The following PCDHA3 variants were observed in gnomAD, a reference collection of about 807,000 sequenced individuals.
The protein encoded by PCDHA3 is protocadherin alpha-3.
Under a neutral mutation model 62.2 loss-of-function variants are expected in PCDHA3, and 41 were observed. The ratio of observed to expected loss-of-function variants is 0.66; its 90% confidence interval spans 0.51 to 0.86. PCDHA3 has a LOEUF of 0.86. Among genes scored for constraint, PCDHA3 ranks in the 40% least tolerant of loss-of-function variants. The pLI, the probability that PCDHA3 is intolerant of heterozygous loss-of-function variation, is 0.00. For synonymous variants in PCDHA3, 640 were observed against 555.4 expected (o/e 1.15, Z -2.14); for missense variants, 1,304 against 1,241.2 (o/e 1.05, Z -0.76).
At chr5:140,843,435 G>A (rs2150359827) in intron 1 of PCDHA3, 3 of 1,596,130 alleles carry the variant, frequency 1.9e-6, no homozygotes, top group Non-Finnish European at 2.6e-6. Flanking sequence ...ATCGCCATCT[G>A]CGCGGTATCC....
intron 1 of PCDHA3, chr5:140,871,357 C>A: frequency 6.2e-7 from 1 of 1,614,196 alleles, no homozygotes; most frequent in Non-Finnish European, 8.5e-7. Flanking sequence ...ATACTCGCAG[C>A]AGAGGCGGCA....
chr5:140,968,068 C>T (rs1554230278), intron 1 of PCDHA3: 1 of 1,614,024 alleles, frequency 6.2e-7, no homozygotes, highest in East Asian at 2.2e-5. Context: ...GGGTGGCTGT[C>T]TACAACATCA....
At position 140,842,145 on chromosome 5, in the gene PCDHA3, G is replaced by A. The variant is rs2150330392; in HGVS notation, c.2394+38554G>A. On this transcript the variant is annotated intron_variant, in intron 1 of 3. Coordinates refer to ENST00000522353, the MANE Select transcript of PCDHA3 (RefSeq NM_018906.3). ...TCTGATCCGGATGAAGGAGCCAATGGGGCAATTTCATATTCTTTTAATAGC... is the reference window on the plus strand; with the variant it reads ...TCTGATCCGGATGAAGGAGCCAATGAGGCAATTTCATATTCTTTTAATAGC... The A allele has an allele frequency of 3.8e-5, 62 of 1,613,828 alleles. 1 individual carries two copies. The East Asian group carries it at 1.3e-3, about 35-fold the overall frequency.
chr5:140,929,410 CACA>C (rs2153600762), intron 1 of PCDHA3: 2 of 1,505,808 alleles, frequency 1.3e-6, no homozygotes, highest in East Asian at 2.3e-5. Context: ...ACAAGCCTTT[CACA>C]ACATTTCATC....
chr5:140,970,847 C>A (rs2096437224), intron 1 of PCDHA3, among the ~76,000 whole-genome samples: 1 of 149,802 alleles, frequency 6.7e-6, no homozygotes, highest in Non-Finnish European at 1.5e-5. Context: ...TGCACAGGCA[C>A]AAAAGTTCCA....
intron 1 of PCDHA3, chr5:140,877,884 C>T: frequency 6.8e-7 from 1 of 1,465,050 alleles, no homozygotes; most frequent in Non-Finnish European, 9.0e-7. Context: ...CCTTGAAGAA[C>T]TTCCGTTTAG....
chr5:140,805,687 A>G (rs1030164), intron 1 of PCDHA3: 393,383 of 736,282 alleles, frequency 0.53, 105,640 homozygotes, highest in African/African-American at 0.7. Context: ...TTCAAAGATC[A>G]TGATTACCAA....
chr5:140,823,749 G>GACAGCC (rs2150128847), intron 1 of PCDHA3: 2 of 1,613,866 alleles, frequency 1.2e-6, no homozygotes, highest in East Asian at 2.2e-5. Flanking sequence ...AGCCCCCGCT[G>GACAGCC]ACAGCCACAG....
intron 1 of PCDHA3, among the ~76,000 whole-genome samples, chr5:140,846,373 C>CTTTTTTTTT (rs374699051): frequency 1.6e-4 from 9 of 55,150 alleles, no homozygotes; most frequent in Non-Finnish European, 2.9e-4. Context: ...TTCTTTCTTT[C>CTTTTTTTTT]TTTTTTTTTT....
chr5:140,835,696 C>T (rs2150242204), intron 1 of PCDHA3: 2 of 1,613,914 alleles, frequency 1.2e-6, no homozygotes, highest in South Asian at 2.2e-5. Context: ...CTGTGGGCCA[C>T]TGCTAGCGTG....
intron 1 of PCDHA3, chr5:140,968,772 C>T (rs782257554): frequency 1.2e-6 from 2 of 1,614,180 alleles, no homozygotes; most frequent in South Asian, 1.1e-5. Context: ...GGAGAGCCAT[C>T]ACTATCAGCC....
At chr5:140,891,937 C>G (rs1168665111) in intron 1 of PCDHA3, among the ~76,000 whole-genome samples, 3 of 152,166 alleles carry the variant, frequency 2.0e-5, no homozygotes, top group Admixed American at 2.0e-4. Context: ...CTTGGACTTC[C>G]CCTAGGCTCC....
At chr5:140,830,537 G>C (rs886492362) in intron 1 of PCDHA3, 1 of 1,226,260 alleles carries the variant, frequency 8.2e-7, no homozygotes, top group African/African-American at 1.6e-5. Flanking sequence ...ATTTATAATT[G>C]TTTTCCTCAT....
intron 1 of PCDHA3, among the ~76,000 whole-genome samples, chr5:140,902,203 C>CTT (rs148688132): frequency 1.7e-4 from 21 of 124,438 alleles, no homozygotes; most frequent in East Asian, 4.4e-4. Context: ...CTCTCTCTTT[C>CTT]TTTTTTTTTT....
intron 1 of PCDHA3, among the ~76,000 whole-genome samples, chr5:140,922,137 T>A (rs1235551628): frequency 2.0e-5 from 3 of 151,994 alleles, no homozygotes; most frequent in African/African-American, 7.3e-5. Context: ...TCTCTTATCC[T>A]CCATGAAACT....
chr5:140,925,172 C>T (rs1176049315), intron 1 of PCDHA3, among the ~76,000 whole-genome samples: 2 of 151,994 alleles, frequency 1.3e-5, no homozygotes, highest in Admixed American at 6.6e-5. Context: ...TGTAATTGAC[C>T]CCAATGTACC....
rs1274541359 is a variant in PCDHA3 at position 140,852,032 on chromosome 5, G to C, written c.2394+48441G>C. 7.5e-6 allele frequency: 7 copies of C among 936,644 alleles called. No homozygotes were observed. The African/African-American group carries it at 1.1e-4, about 14-fold the overall frequency. 58.0% of individuals were successfully genotyped at this position (936,644 alleles called of 1,614,324 possible). On this transcript the variant is annotated intron_variant, in intron 1 of 3. Transcript: ENST00000522353. ...TATAGTTTTAAAAACTTCGCTTATT[G>C]AGTTTTTGTTATGTGGTTTATATTT... is the stretch of plus-strand genomic sequence containing the variant.
In PCDHA3 at chr5:140,869,957, A is replaced by G. The variant is rs782483772; in HGVS notation, c.2394+66366A>G. The stretch of plus-strand genomic sequence containing the variant: ...GTAACATACTCCTTAATGTCAATTA[A>G]GCCCAATGGAAGACACTTATTTACA... On this transcript the variant is annotated intron_variant, in intron 1 of 3. Transcript: ENST00000522353. 4 of 1,613,040 alleles carry G rather than the reference A, an allele frequency of 2.5e-6. No homozygotes were observed. The South Asian group carries it at 4.4e-5, about 18-fold the overall frequency.
chr5:140,819,074 A>G (rs1766485214), intron 1 of PCDHA3, among the ~76,000 whole-genome samples: 1 of 152,220 alleles, frequency 6.6e-6, no homozygotes, highest in Non-Finnish European at 1.5e-5. Flanking sequence ...CTCATTATAC[A>G]GGCAGCGCTA....
Sources: gnomAD v4.1 joint callset for allele counts (sites outside exome capture counted in the v4.1 genomes callset) on GRCh38, gnomAD v4.1.1 for gene constraint, MANE v1.5 for transcripts, NCBI Gene and HGNC (gene_info 2026-07-23, HGNC 2026-07-21) for gene names.